Variants in MRPS6 observed in about 807,000 individuals in gnomAD.
MRPS6 encodes small ribosomal subunit protein bS6m.
In MRPS6, 6 loss-of-function variants were observed where a neutral mutation model predicts 13.1. The observed-to-expected ratio is 0.46, with a 90% CI of 0.25 to 0.91. The LOEUF is 0.91. Among genes scored for constraint, MRPS6 ranks in the 40% least tolerant of loss-of-function variants. MRPS6 has a pLI of 0.18. For synonymous variants in MRPS6, 61 were observed against 56.5 expected, an observed-to-expected ratio of 1.08 and a Z score of -0.36; for missense variants, 164 against 155.6, an observed-to-expected ratio of 1.05 and a Z score of -0.29.
At chr21:34,102,079 G>A in intron 1 of MRPS6, 1 of 999,884 alleles carries the variant, frequency 1.0e-6, no homozygotes, top group South Asian at 4.7e-5. Flanking sequence ...TGCTAGACTT[G>A]GTTAACTTAG....
At chr21:34,087,789 G>A (rs1378689955) in intron 1 of MRPS6, among the ~76,000 whole-genome samples, 2 of 152,242 alleles carry the variant, frequency 1.3e-5, no homozygotes, top group African/African-American at 4.8e-5. Flanking sequence ...GAGACAAGAG[G>A]CTGGGACAGT....
intron 1 of MRPS6, chr21:34,095,893 A>G (rs1978945046): frequency 3.1e-6 from 5 of 1,613,892 alleles, no homozygotes; most frequent in East Asian, 2.2e-5. Context: ...TTGACATACA[A>G]CCTTTCCAAC....
intron 1 of MRPS6, 105 bp from the exon 2 acceptor site, chr21:34,125,236 C>T (rs1753451191): frequency 2.0e-6 from 3 of 1,473,798 alleles, no homozygotes; most frequent in Middle Eastern, 4.6e-4. Context: ...GCGATTCCTA[C>T]CAGTAGAGCT....
chr21:34,109,707 G>A (rs1280592603), intron 1 of MRPS6, among the ~76,000 whole-genome samples: 1 of 152,012 alleles, frequency 6.6e-6, no homozygotes, highest in Non-Finnish European at 1.5e-5. Context: ...TGGTATGGTT[G>A]ATTCTTAGTT....
intron 1 of MRPS6, among the ~76,000 whole-genome samples, chr21:34,085,398 G>A (rs1358687912): frequency 6.6e-6 from 1 of 152,080 alleles, no homozygotes; most frequent in Non-Finnish European, 1.5e-5. Flanking sequence ...CACCAGAATG[G>A]GCCATTGTAA....
At chr21:34,099,187 G>T in intron 1 of MRPS6, 2 of 999,734 alleles carry the variant, frequency 2.0e-6, no homozygotes, top group Non-Finnish European at 2.4e-6. Context: ...AGAGTGCCTT[G>T]TAGAATTTTT....
At chr21:34,134,713 C>A (rs371691625) in intron 2 of MRPS6, among the ~76,000 whole-genome samples, 3 of 151,368 alleles carry the variant, frequency 2.0e-5, no homozygotes, top group Non-Finnish European at 4.4e-5. Flanking sequence ...CGATTTTTTT[C>A]GACTTTATGA....
rs758968680 is a variant in MRPS6, at chr21:34,097,205, C to T, written c.45+23460C>T. The T allele has an allele frequency of 8.7e-6, 14 of 1,614,080 alleles. No homozygotes were observed. In the South Asian group the frequency reaches 1.1e-4, roughly 13 times the overall value. On this transcript the variant is annotated intron_variant, in intron 1 of 2. Transcript: ENST00000399312. ...TTTGTGGCTTTAAAAGTAAGAGCCT[C>T]AGCAAGAGGAGTCTCAGAGACCTGA...
chr21:34,135,564 A>G (rs1229021627), intron 2 of MRPS6: 1 of 465,440 alleles, frequency 2.1e-6, no homozygotes, highest in African/African-American at 2.0e-5. Context: ...CCCGGAGGGC[A>G]CCCTCAAGAG....
At chr21:34,088,907 C>G (rs1350126114) in intron 1 of MRPS6, among the ~76,000 whole-genome samples, 3 of 151,484 alleles carry the variant, frequency 2.0e-5, no homozygotes, top group Non-Finnish European at 4.4e-5. Context: ...ATTTATAACT[C>G]ACTTATCTTT....
At chr21:34,077,894 C>A (rs1569411770) in intron 1 of MRPS6, among the ~76,000 whole-genome samples, 1 of 152,118 alleles carries the variant, frequency 6.6e-6, no homozygotes, top group African/African-American at 2.4e-5. Context: ...GAACACCTGG[C>A]AAAAGTTTTG....
At chr21:34,106,130 C>T (rs1979465735) in intron 1 of MRPS6, 1 of 996,054 alleles carries the variant, frequency 1.0e-6, no homozygotes, top group African/African-American at 1.8e-5. Flanking sequence ...TATTTGGAAA[C>T]TTAAGATGAA....
chr21:34,125,626 G>C, intron 2 of MRPS6, 146 bp downstream of exon 2: 1 of 1,248,624 alleles, frequency 8.0e-7, no homozygotes, highest in Non-Finnish European at 1.1e-6. Context: ...TGGCAGTCTT[G>C]TGTTGCAGAT....
chr21:34,136,120 C>G (rs1465053049), intron 2 of MRPS6: 4 of 192,308 alleles, frequency 2.1e-5, no homozygotes, highest in Admixed American at 6.1e-5. Context: ...GGACCTCGTG[C>G]CACCCTGGAG....
At chr21:34,105,924 T>C (rs1979456180) in intron 1 of MRPS6, 1 of 989,792 alleles carries the variant, frequency 1.0e-6, no homozygotes, top group Non-Finnish European at 1.2e-6. Context: ...TCTAACCTAT[T>C]GTGTACAATC....
At chr21:34,133,610 T>C (rs1980584731) in intron 2 of MRPS6, among the ~76,000 whole-genome samples, 1 of 152,178 alleles carries the variant, frequency 6.6e-6, no homozygotes, top group Admixed American at 6.5e-5. Flanking sequence ...TCCTGTGGAC[T>C]CTCTGGAGGG....
chr21:34,142,891 T>A lies in MRPS6; in HGVS notation c.*291T>A, dbSNP rs906289243. On this transcript the variant is annotated 3_prime_UTR_variant, in exon 3 of 3. Transcript: ENST00000399312. ...TTCCCCTTACAACAGTAACACCATT[T>A]TTTGAAGAGCAAAACTTATAATACC... 4.1e-6 allele frequency: 1 copy of A among 242,150 alleles called. No homozygotes were observed. 15.0% of individuals were successfully genotyped at this position (242,150 alleles called of 1,614,324 possible). A position where few individuals can be genotyped will look rare whatever the true frequency, so the allele number is the denominator to read the frequency against.
intron 2 of MRPS6, among the ~76,000 whole-genome samples, chr21:34,126,118 A>C (rs13047185): frequency 0.078 from 11,832 of 152,222 alleles, 654 homozygotes; most frequent in South Asian, 0.21. Flanking sequence ...AGAAGATGGG[A>C]ATCAGGTTTT....
At chr21:34,125,611 C>T (rs1379253482) in intron 2 of MRPS6, 131 bp downstream of exon 2, 14 of 1,346,506 alleles carry the variant, frequency 1.0e-5, no homozygotes, top group Non-Finnish European at 1.4e-5. Flanking sequence ...TTTGGGTACA[C>T]ACTCTGGCAG....
Sources: gnomAD v4.1 joint callset for allele counts (sites outside exome capture counted in the v4.1 genomes callset) on GRCh38, gnomAD v4.1.1 for gene constraint, MANE v1.5 for transcripts, NCBI Gene and HGNC (gene_info 2026-07-23, HGNC 2026-07-21) for gene names.